The following PPIL4 variants were observed in gnomAD, a reference collection of about 807,000 sequenced individuals.
PPIL4 encodes peptidyl-prolyl cis-trans isomerase-like 4.
A neutral mutation model predicts 69.1 loss-of-function variants in PPIL4; 50 were observed. The observed-to-expected ratio is 0.72, with a 90% CI of 0.58 to 0.92. PPIL4 has a LOEUF of 0.92. Ranked by LOEUF, PPIL4 falls within the 40% of genes least tolerant of loss-of-function variation. The pLI is 0.00. For missense variants in PPIL4, 480 were observed against 587.9 expected, an observed-to-expected ratio of 0.82 and a Z score of 1.90; for synonymous variants, 193 against 191.6, an observed-to-expected ratio of 1.01 and a Z score of -0.06.
At chr6:149,543,570 G>A (rs1777394997) in intron 1 of PPIL4, among the ~76,000 whole-genome samples, 1 of 151,894 alleles carries the variant, frequency 6.6e-6, no homozygotes, top group African/African-American at 2.4e-5. Context: ...TAAGATCTGT[G>A]GTTCTGTTTT....
intron 9 of PPIL4, among the ~76,000 whole-genome samples, chr6:149,522,139 C>CA (rs1777038671): frequency 6.6e-6 from 1 of 152,170 alleles, no homozygotes; most frequent in Admixed American, 6.5e-5. Context: ...CGTAGGCAAT[C>CA]AGTGTACGTT....
intron 10 of PPIL4, among the ~76,000 whole-genome samples, chr6:149,520,720 T>C (rs1423873689): frequency 6.6e-6 from 1 of 151,814 alleles, no homozygotes; most frequent in Non-Finnish European, 1.5e-5. Context: ...ATGAAAAGCA[T>C]AACAAAAACA....
At chr6:149,516,066 A>C (rs772911658) in intron 11 of PPIL4, among the ~76,000 whole-genome samples, 2 of 152,182 alleles carry the variant, frequency 1.3e-5, no homozygotes, top group Non-Finnish European at 2.9e-5. Flanking sequence ...ACTATTCCAT[A>C]TAAGTATATG....
At chr6:149,545,884 G>A in intron 1 of PPIL4, 52 bp downstream of exon 1, 1 of 1,502,720 alleles carries the variant, frequency 6.7e-7, no homozygotes. Context: ...AGGGAAAGTA[G>A]GGAGACAAGC....
At chr6:149,509,491 CAG>C (rs1776810535) in intron 12 of PPIL4, among the ~76,000 whole-genome samples, 5 of 152,188 alleles carry the variant, frequency 3.3e-5, no homozygotes, top group South Asian at 2.1e-4. Flanking sequence ...GGAAAGAATT[CAG>C]AGTTTTTAGT....
intron 4 of PPIL4, among the ~76,000 whole-genome samples, chr6:149,540,531 C>T (rs973313841): frequency 1.3e-5 from 2 of 152,194 alleles, no homozygotes; most frequent in Non-Finnish European, 2.9e-5. Context: ...AGGAGAATTG[C>T]TTGAACCCGG....
intron 4 of PPIL4, among the ~76,000 whole-genome samples, chr6:149,536,089 G>C (rs1460666383): frequency 6.6e-6 from 1 of 152,182 alleles, no homozygotes; most frequent in Non-Finnish European, 1.5e-5. Context: ...TATTGTATCT[G>C]TTATTACCAT....
chr6:149,529,337 G>A (rs1039557821), intron 7 of PPIL4, among the ~76,000 whole-genome samples: 6 of 151,524 alleles, frequency 4.0e-5, no homozygotes, highest in African/African-American at 1.5e-4. Flanking sequence ...ACACGCCTGT[G>A]GTCCCAGCTA....
intron 12 of PPIL4, among the ~76,000 whole-genome samples, chr6:149,509,274 A>G (rs1170522415): frequency 6.6e-6 from 1 of 152,194 alleles, no homozygotes; most frequent in African/African-American, 2.4e-5. Context: ...GCAAAATGAG[A>G]AGGATATTTG....
chr6:149,535,113 T>C (rs1777255002), intron 5 of PPIL4, among the ~76,000 whole-genome samples: 1 of 152,168 alleles, frequency 6.6e-6, no homozygotes, highest in African/African-American at 2.4e-5. Context: ...TCCCAACACT[T>C]CAGGAGGCTG....
chr6:149,545,937 A>G lies in PPIL4; in HGVS notation c.69T>C (p.Arg23=). ...AGGTGAGTGGGGCTCAAGCCTCACC[A>G]CGCGGCCGTTCTTCGGTGTACAAGT... ...VIDLYTEERP[R]ACLNFLKLCK... is the part of the protein sequence containing the mutation. The change falls in exon 1 of 13, where the codon CGT becomes CGC. Residue 23 remains arginine (R), a splice_region_variant and synonymous_variant. Coordinates refer to ENST00000253329, the MANE Select transcript of PPIL4 (RefSeq NM_139126.4). The G allele has an allele frequency of 1.3e-6, 2 of 1,585,658 alleles. No homozygotes were observed. Among genetic ancestry groups the G allele is most frequent in the Non-Finnish European group, 1.7e-6 (2 of 1,163,508 alleles).
At chr6:149,545,238 T>A (rs796848373) in intron 1 of PPIL4, among the ~76,000 whole-genome samples, 14 of 152,278 alleles carry the variant, frequency 9.2e-5, no homozygotes, top group African/African-American at 3.1e-4. Context: ...AAAGAACTAG[T>A]TCAAGTGTTC....
intron 11 of PPIL4, among the ~76,000 whole-genome samples, chr6:149,512,977 C>T (rs953392597): frequency 1.2e-4 from 18 of 151,642 alleles, no homozygotes; most frequent in African/African-American, 4.3e-4. Context: ...CACCTGACCT[C>T]GTGATCCACC....
intron 1 of PPIL4, among the ~76,000 whole-genome samples, chr6:149,543,189 A>C (rs1777389381): frequency 6.6e-6 from 1 of 152,230 alleles, no homozygotes; most frequent in South Asian, 2.1e-4. Context: ...AATGTGATGC[A>C]GCTGAAAGTA....
At chr6:149,545,410 G>A (rs1777423802) in intron 1 of PPIL4, among the ~76,000 whole-genome samples, 1 of 152,058 alleles carries the variant, frequency 6.6e-6, no homozygotes, top group African/African-American at 2.4e-5. Flanking sequence ...ACCCTCGGGG[G>A]CAAGAAGCCA....
At chr6:149,543,710 T>C (rs1015599552) in intron 1 of PPIL4, among the ~76,000 whole-genome samples, 13 of 152,304 alleles carry the variant, frequency 8.5e-5, no homozygotes, top group African/African-American at 3.1e-4. Flanking sequence ...CTTGTTTTTT[T>C]TAAAGAGACG....
intron 11 of PPIL4, among the ~76,000 whole-genome samples, chr6:149,512,930 A>G (rs1378823003): frequency 6.6e-6 from 1 of 151,668 alleles, no homozygotes; most frequent in Non-Finnish European, 1.5e-5. Flanking sequence ...CTTTAGTAGA[A>G]ACGGGGCTTC....
At chr6:149,540,919 C>T in intron 4 of PPIL4, 23 bp downstream of exon 4, 1 of 1,402,116 alleles carries the variant, frequency 7.1e-7, no homozygotes, top group Non-Finnish European at 1.0e-6. Flanking sequence ...AAGCAAATCT[C>T]ATATTCTTAC....
chr6:149,535,545 T>A (rs1205768648), intron 5 of PPIL4, 51 bp downstream of exon 5: 5 of 1,473,250 alleles, frequency 3.4e-6, no homozygotes, highest in Non-Finnish European at 3.8e-6. Flanking sequence ...GTGTTAAACA[T>A]CTCAATATTA....
Sources: allele counts gnomAD v4.1 joint callset (sites outside exome capture counted in the v4.1 genomes callset), GRCh38; gene constraint gnomAD v4.1.1; transcripts MANE v1.5; gene names NCBI Gene and HGNC (gene_info 2026-07-23, HGNC 2026-07-21).